The following CALD1 variants were observed in gnomAD, a reference collection of about 807,000 sequenced individuals.
The protein encoded by CALD1 is caldesmon 1.
Under a neutral mutation model 99.9 loss-of-function variants are expected in CALD1, and 33 were observed. That is an observed-to-expected ratio of 0.33 (90% CI 0.25 to 0.44). The LOEUF is 0.44. Ranked by LOEUF, CALD1 falls within the 20% of genes least tolerant of loss-of-function variation. The pLI, the probability that CALD1 is intolerant of heterozygous loss-of-function variation, is 1.00. For synonymous variants in CALD1, 310 were observed against 325.0 expected, an observed-to-expected ratio of 0.95 and a Z score of 0.50; for missense variants, 861 against 962.1, an observed-to-expected ratio of 0.89 and a Z score of 1.39.
intron 7 of CALD1, among the ~76,000 whole-genome samples, chr7:134,941,470 C>T (rs1190185718): frequency 6.6e-6 from 1 of 152,140 alleles, no homozygotes; most frequent in East Asian, 1.9e-4. Context: ...CTGCTTTTCC[C>T]ATTATTTTGA....
chr7:134,734,842 G>A, the CALD1 span: 11 of 153,234 alleles, frequency 7.2e-5, no homozygotes, highest in South Asian at 2.1e-4. Flanking sequence ...ACCCAGTTTC[G>A]GGTATGTCTT....
At chr7:134,856,324 G>A (rs965099360) in intron 2 of CALD1, among the ~76,000 whole-genome samples, 3 of 152,282 alleles carry the variant, frequency 2.0e-5, no homozygotes, top group Middle Eastern at 3.4e-3. Context: ...ATCTGGGCTG[G>A]GGCTCCTAAG....
At chr7:134,861,681 G>C (rs891849792) in intron 2 of CALD1, among the ~76,000 whole-genome samples, 5 of 152,208 alleles carry the variant, frequency 3.3e-5, no homozygotes, top group African/African-American at 1.2e-4. Context: ...CATAGTAGCT[G>C]TGCGGTAAAT....
At chr7:134,963,220 C>G (rs181996855) in intron 13 of CALD1, among the ~76,000 whole-genome samples, 1 of 152,168 alleles carries the variant, frequency 6.6e-6, no homozygotes, top group Non-Finnish European at 1.5e-5. Flanking sequence ...GTCTTCCAGA[C>G]AGTTTGGCAG....
At chr7:134,929,664 A>ATG (rs1805377821) in intron 4 of CALD1, among the ~76,000 whole-genome samples, 1 of 6,104 alleles carries the variant, frequency 1.6e-4, no homozygotes, top group African/African-American at 4.7e-4. Flanking sequence ...ATATATATAT[A>ATG]TATATACACC....
At chr7:134,927,599 G>A (rs1188411904) in intron 3 of CALD1, among the ~76,000 whole-genome samples, 1 of 143,916 alleles carries the variant, frequency 6.9e-6, no homozygotes, top group Non-Finnish European at 1.5e-5. Flanking sequence ...ATACACATGT[G>A]AAGTCCTCTG....
At chr7:134,812,392 T>C (rs1798385205) in intron 1 of CALD1, among the ~76,000 whole-genome samples, 2 of 152,186 alleles carry the variant, frequency 1.3e-5, no homozygotes, top group Non-Finnish European at 2.9e-5. Flanking sequence ...ATAAGCAGAA[T>C]GCAAAATTGG....
intron 7 of CALD1, among the ~76,000 whole-genome samples, chr7:134,943,669 AG>A (rs1431339498): frequency 6.6e-6 from 1 of 152,228 alleles, no homozygotes; most frequent in Non-Finnish European, 1.5e-5. Context: ...CTCAGAAAAT[AG>A]AAGAATAAAA....
intron 13 of CALD1, among the ~76,000 whole-genome samples, chr7:134,963,097 A>G (rs1187718357): frequency 6.6e-6 from 1 of 152,222 alleles, no homozygotes; most frequent in Admixed American, 6.5e-5. Context: ...AAGAACGTGC[A>G]TGAGAAGGAA....
intron 3 of CALD1, among the ~76,000 whole-genome samples, chr7:134,918,502 A>G (rs963349858): frequency 8.5e-5 from 13 of 152,242 alleles, no homozygotes; most frequent in Admixed American, 5.2e-4. Flanking sequence ...CTGTTTAGGG[A>G]TGCATACCAT....
chr7:134,841,457 G>C (rs1352247092), intron 1 of CALD1, among the ~76,000 whole-genome samples: 1 of 152,092 alleles, frequency 6.6e-6, no homozygotes, highest in Non-Finnish European at 1.5e-5. Flanking sequence ...ATAGGTACTT[G>C]CCATTCCTTT....
chr7:134,726,678 C>T, the CALD1 span, among the ~76,000 whole-genome samples: 1 of 151,754 alleles, frequency 6.6e-6, no homozygotes, highest in Non-Finnish European at 1.5e-5. Context: ...TTGTATTAGT[C>T]AGGGCTTTAT....
intron 1 of CALD1, among the ~76,000 whole-genome samples, chr7:134,773,879 G>A (rs1585906381): frequency 6.6e-6 from 1 of 151,766 alleles, no homozygotes; most frequent in East Asian, 1.9e-4. Context: ...TCATATTTAA[G>A]AGTGAGGTAG....
chr7:134,952,267 C>A (rs991382056), intron 9 of CALD1, among the ~76,000 whole-genome samples: 1 of 151,904 alleles, frequency 6.6e-6, no homozygotes, highest in Non-Finnish European at 1.5e-5. Context: ...TGCCACTGCA[C>A]TCCAGCCTGT....
chr7:134,873,553 C>G (rs557373611), intron 3 of CALD1, among the ~76,000 whole-genome samples: 1 of 152,128 alleles, frequency 6.6e-6, no homozygotes, highest in African/African-American at 2.4e-5. Flanking sequence ...AAAGACGGAC[C>G]GCCGCCGGCC....
chr7:134,725,677 A>G, the CALD1 span, among the ~76,000 whole-genome samples: 1 of 152,234 alleles, frequency 6.6e-6, no homozygotes, highest in African/African-American at 2.4e-5. Context: ...TAATCCCTGG[A>G]ACCTATAAAT....
At chr7:134,859,068 T>A (rs1800447193) in intron 2 of CALD1, among the ~76,000 whole-genome samples, 1 of 152,218 alleles carries the variant, frequency 6.6e-6, no homozygotes, top group Admixed American at 6.5e-5. Flanking sequence ...GTGGCTACCA[T>A]ATTGGACAGC....
At chr7:134,932,690 G>A (rs1805610645) in intron 4 of CALD1, among the ~76,000 whole-genome samples, 2 of 152,196 alleles carry the variant, frequency 1.3e-5, no homozygotes, top group Non-Finnish European at 2.9e-5. Flanking sequence ...AAAAGTGAGG[G>A]GTGCTGAGGT....
intron 3 of CALD1, among the ~76,000 whole-genome samples, chr7:134,924,970 C>T (rs1396479756): frequency 2.6e-5 from 4 of 152,170 alleles, no homozygotes. Flanking sequence ...CACCTTCTGC[C>T]ATAATTGTAA....
Sources: gnomAD v4.1 joint callset for allele counts (sites outside exome capture counted in the v4.1 genomes callset) on GRCh38, gnomAD v4.1.1 for gene constraint, MANE v1.5 for transcripts, NCBI Gene and HGNC (gene_info 2026-07-23, HGNC 2026-07-21) for gene names.